Variants in BMPR1B observed in about 807,000 individuals in gnomAD.
BMPR1B encodes bone morphogenetic protein receptor type 1B.
A neutral mutation model predicts 59.1 loss-of-function variants in BMPR1B; 12 were observed. That is an observed-to-expected ratio of 0.20 (90% CI 0.13 to 0.33). The LOEUF (loss-of-function observed/expected upper bound fraction) is 0.33. Ranked by LOEUF, BMPR1B falls within the 10% of genes least tolerant of loss-of-function variation. The probability of loss-of-function intolerance (pLI) is 1.00; values close to 1 mark genes in which losing one functional copy is unlikely to be tolerated. For synonymous variants in BMPR1B, 237 were observed against 207.3 expected (o/e 1.14, Z -1.23); for missense variants, 550 against 610.9 (o/e 0.90, Z 1.05).
chr4:95,091,660 A>C (rs561672090), intron 3 of BMPR1B: 1 of 984,234 alleles, frequency 1.0e-6, no homozygotes, highest in South Asian at 4.7e-5. Flanking sequence ...TATCTCACAG[A>C]GACTGTTTTT....
intron 2 of BMPR1B, among the ~76,000 whole-genome samples, chr4:94,933,716 T>C (rs1030409043): frequency 1.3e-5 from 2 of 152,176 alleles, no homozygotes; most frequent in Admixed American, 6.6e-5. Flanking sequence ...AACTGAGTTA[T>C]TCTTTATCCT....
At chr4:94,846,440 A>G (rs557843739) in intron 1 of BMPR1B, among the ~76,000 whole-genome samples, 27 of 152,242 alleles carry the variant, frequency 1.8e-4, no homozygotes, top group African/African-American at 6.5e-4. Context: ...ACCCACCCTT[A>G]ATCTGGGTGG....
intron 1 of BMPR1B, among the ~76,000 whole-genome samples, chr4:94,837,698 C>G (rs1724879961): frequency 7.4e-6 from 1 of 135,926 alleles, no homozygotes; most frequent in Non-Finnish European, 1.6e-5. Flanking sequence ...ATCATGTCAT[C>G]TGCAAAGAGG....
intron 1 of BMPR1B, among the ~76,000 whole-genome samples, chr4:94,865,838 CA>C (rs1320950507): frequency 6.6e-6 from 1 of 152,008 alleles, no homozygotes; most frequent in African/African-American, 2.4e-5. Flanking sequence ...CATTGAAAAA[CA>C]TTTTTTTTTC....
At chr4:95,147,408 T>C (rs759236175) in intron 10 of BMPR1B, among the ~76,000 whole-genome samples, 7 of 151,986 alleles carry the variant, frequency 4.6e-5, no homozygotes, top group Admixed American at 2.6e-4. Flanking sequence ...AACCCAGAGG[T>C]TTTTGATTTT....
intron 3 of BMPR1B, chr4:95,051,571 C>G (rs1483665220): frequency 1.2e-6 from 1 of 802,446 alleles, no homozygotes; most frequent in African/African-American, 1.7e-5. Flanking sequence ...ACGGTCCTGT[C>G]TCAGGGTTGC....
chr4:94,911,840 T>C (rs905604679), intron 2 of BMPR1B, among the ~76,000 whole-genome samples: 5 of 152,142 alleles, frequency 3.3e-5, no homozygotes, highest in African/African-American at 1.2e-4. Flanking sequence ...TAGGCCCAAT[T>C]TGTGTATTTG....
intron 1 of BMPR1B, among the ~76,000 whole-genome samples, chr4:94,802,772 AG>A (rs1723457817): frequency 6.6e-6 from 1 of 152,308 alleles, no homozygotes; most frequent in South Asian, 2.1e-4. Flanking sequence ...AGGGAAAAAA[AG>A]TCACTGTTAA....
chr4:95,062,414 G>A (rs1303440413), intron 3 of BMPR1B, among the ~76,000 whole-genome samples: 3 of 152,244 alleles, frequency 2.0e-5, no homozygotes, highest in Non-Finnish European at 4.4e-5. Flanking sequence ...TGCAGCTTAT[G>A]CATAGTTTGT....
intron 2 of BMPR1B, among the ~76,000 whole-genome samples, chr4:94,975,364 T>TTTTG (rs1553923292): frequency 2.4e-4 from 9 of 36,996 alleles, no homozygotes; most frequent in East Asian, 5.1e-3. Context: ...TTTGTTTTTG[T>TTTTG]TTTTTTTTTT....
At chr4:94,762,697 A>G (rs1721825352) in intron 1 of BMPR1B, among the ~76,000 whole-genome samples, 1 of 152,208 alleles carries the variant, frequency 6.6e-6, no homozygotes, top group Non-Finnish European at 1.5e-5. Flanking sequence ...ATGTCTGTAT[A>G]TAGTGTGAGC....
chr4:94,847,848 T>A (rs534010299), intron 1 of BMPR1B, among the ~76,000 whole-genome samples: 13 of 152,066 alleles, frequency 8.5e-5, no homozygotes, highest in African/African-American at 2.9e-4. Context: ...TACAAAAATA[T>A]ACAGAATGAA....
chr4:94,760,112 T>A (rs931756853), intron 1 of BMPR1B, among the ~76,000 whole-genome samples: 5 of 152,186 alleles, frequency 3.3e-5, no homozygotes, highest in African/African-American at 9.7e-5. Context: ...TGGCACTGAT[T>A]TGTGTTTTTA....
chr4:94,973,222 T>C (rs12505823), intron 2 of BMPR1B, among the ~76,000 whole-genome samples: 86,233 of 151,938 alleles, frequency 0.57, 25,300 homozygotes, highest in African/African-American at 0.7. Flanking sequence ...TCAGTGGGCC[T>C]TTCACCCTTT....
At chr4:94,874,181 T>G (rs1343642169) in intron 1 of BMPR1B, among the ~76,000 whole-genome samples, 1 of 152,118 alleles carries the variant, frequency 6.6e-6, no homozygotes, top group African/African-American at 2.4e-5. Context: ...ACATACCACA[T>G]TTTGTTTTAT....
At chr4:95,115,356 C>T (rs562840515) in intron 5 of BMPR1B, among the ~76,000 whole-genome samples, 150 of 152,196 alleles carry the variant, frequency 9.9e-4, no homozygotes, top group South Asian at 3.1e-3. Flanking sequence ...TTGCTGTTAA[C>T]GTCTTGTTTA....
intron 1 of BMPR1B, among the ~76,000 whole-genome samples, chr4:94,834,309 T>C (rs573242065): frequency 6.6e-6 from 1 of 152,244 alleles, no homozygotes; most frequent in South Asian, 2.1e-4. Context: ...TGTTTGAGGG[T>C]ACAGATCACT....
chr4:94,865,113 A>G (rs1269368902), intron 1 of BMPR1B, among the ~76,000 whole-genome samples: 1 of 151,486 alleles, frequency 6.6e-6, no homozygotes, highest in East Asian at 1.9e-4. Context: ...GGGTTCAAGC[A>G]ATTCTCCTGC....
At chr4:95,025,129 C>A (rs189648943) in intron 3 of BMPR1B, among the ~76,000 whole-genome samples, 1 of 151,760 alleles carries the variant, frequency 6.6e-6, no homozygotes, top group South Asian at 2.1e-4. Flanking sequence ...GTATAGGGAC[C>A]GTGGAAGGAA....
Sources: allele counts gnomAD v4.1 joint callset (sites outside exome capture counted in the v4.1 genomes callset), GRCh38; gene constraint gnomAD v4.1.1; transcripts MANE v1.5; gene names NCBI Gene and HGNC (gene_info 2026-07-23, HGNC 2026-07-21).